RIPOR2: variants seen among roughly 807,000 people sequenced by gnomAD.
The protein encoded by RIPOR2 is RHO family interacting cell polarization regulator 2, also known as rho family-interacting cell polarization regulator 2.
RIPOR2 carries 39 observed loss-of-function variants against 114.5 expected under a neutral mutation model. That is an observed-to-expected ratio of 0.34 (90% CI 0.26 to 0.44). The LOEUF is 0.44. RIPOR2 is among the 20% of genes least tolerant of loss of function. The pLI is 1.00. For missense variants in RIPOR2, 1,007 were observed against 1,255.1 expected (o/e 0.80, Z 2.99); for synonymous variants, 445 against 484.4 (o/e 0.92, Z 1.07).
rs190131331 is a variant in RIPOR2 at position 25,039,507 on chromosome 6, A to G, written c.76+2344T>C. ...CCTGCTTAATGTTGAGCTTACATTC[A>G]ACATCTATTAATATATCATTTCATA... On this transcript the variant is annotated intron_variant, in intron 1 of 13. Coordinates refer to the RIPOR2 transcript ENST00000510784. 2.0e-4 allele frequency among the ~76,000 whole-genome samples: 30 copies of G among 152,356 alleles called. No homozygotes were observed. In the East Asian group the frequency reaches 5.4e-3, roughly 27 times the overall value.
intron 1 of RIPOR2, among the ~76,000 whole-genome samples, chr6:24,915,422 T>C (rs1251587134): frequency 6.6e-6 from 1 of 151,054 alleles, no homozygotes; most frequent in Non-Finnish European, 1.5e-5. Context: ...TGGCACGATC[T>C]CAGCTCACTG....
rs774955433 is a variant in RIPOR2 at position 25,011,668 on chromosome 6, C to T, written c.76+30183G>A. On this transcript the variant is annotated intron_variant, in intron 1 of 13. Coordinates refer to the RIPOR2 transcript ENST00000510784. Reference sequence around the variant, plus strand: ...AGGCTGGAGCATAAGTAAAAGGAAGCAAGTTCTTAACTACTAAAAATTGAC... The same window carrying T: ...AGGCTGGAGCATAAGTAAAAGGAAGTAAGTTCTTAACTACTAAAAATTGAC... Among the ~76,000 whole-genome samples the T allele has an allele frequency of 4.1e-4, 62 of 152,302 alleles. 1 individual carries two copies. The highest frequency in any genetic ancestry group is 1.7e-3 in the South Asian group (8 of 4,828).
intron 1 of RIPOR2, among the ~76,000 whole-genome samples, chr6:25,024,848 T>C (rs1174844910): frequency 6.6e-6 from 1 of 152,264 alleles, no homozygotes; most frequent in African/African-American, 2.4e-5. Flanking sequence ...TTCCTCTTTA[T>C]GCCTGTTTTA....
intron 1 of RIPOR2, among the ~76,000 whole-genome samples, chr6:24,966,620 T>G (rs1773540503): frequency 6.6e-6 from 1 of 152,166 alleles, no homozygotes; most frequent in Non-Finnish European, 1.5e-5. Context: ...CCAACAATTA[T>G]GCATGATGAA....
In RIPOR2 at chr6:24,825,420, C is replaced by A; in HGVS notation, c.2674G>T (p.Val892Phe). The part of the protein sequence containing the change: ...LSQLARQVSM[V>F]QTLQSLRDEK... Reference sequence around the variant, plus strand: ...TCTCTTAGTGATTGCAGAGTCTGAACCATGGAAACTGGAGGGTAAGAAGGA... The same window carrying A: ...TCTCTTAGTGATTGCAGAGTCTGAAACATGGAAACTGGAGGGTAAGAAGGA... The change falls in exon 19 of 22, where the codon GTT (valine) becomes TTT (phenylalanine). Residue 892 changes from valine to phenylalanine, a missense_variant. Val to Phe is a conservative substitution (Grantham distance 50). Coordinates refer to ENST00000643898, the MANE Select transcript of RIPOR2 (RefSeq NM_001286445.3). The A allele has an allele frequency of 6.4e-7, 1 of 1,551,412 alleles. No homozygotes were observed. The highest frequency in any genetic ancestry group is 8.7e-7 in the Non-Finnish European group (1 of 1,146,480).
chr6:24,847,577 G>T (rs1762438786), intron 12 of RIPOR2: 2 of 1,551,572 alleles, frequency 1.3e-6, no homozygotes, highest in South Asian at 1.2e-5. Flanking sequence ...CTCGGCCTGA[G>T]GGAGGGCAGG....
intron 20 of RIPOR2, among the ~76,000 whole-genome samples, chr6:24,812,371 A>G (rs1781231936): frequency 2.0e-5 from 1 of 49,902 alleles, no homozygotes; most frequent in African/African-American, 3.9e-5. Flanking sequence ...TTGCCATTCT[A>G]ACTGGTGTGA....
At chr6:24,965,276 T>C (rs1201077239) in intron 1 of RIPOR2, among the ~76,000 whole-genome samples, 6 of 152,112 alleles carry the variant, frequency 3.9e-5, no homozygotes, top group Admixed American at 3.9e-4. Flanking sequence ...TAGCTAGGAC[T>C]ACAGGTGCAC....
intron 12 of RIPOR2, among the ~76,000 whole-genome samples, chr6:24,843,866 G>A (rs1762000813): frequency 1.3e-5 from 2 of 151,898 alleles, no homozygotes; most frequent in African/African-American, 2.4e-5. Context: ...GGGGGAGGGG[G>A]CTTGTTTTCT....
intron 1 of RIPOR2, among the ~76,000 whole-genome samples, chr6:24,901,547 T>A (rs1319209718): frequency 6.6e-6 from 1 of 152,180 alleles, no homozygotes; most frequent in African/African-American, 2.4e-5. Flanking sequence ...TTTTTTGGAA[T>A]GTCATGGGAG....
At chr6:24,846,300 C>CTTTTTTTTTTTTTTTTTT (rs1562253042) in intron 12 of RIPOR2, among the ~76,000 whole-genome samples, 1 of 111,320 alleles carries the variant, frequency 9.0e-6, no homozygotes, top group Non-Finnish European at 1.9e-5. Flanking sequence ...TTTTCACCTG[C>CTTTTTTTTTTTTTTTTTT]CTTTTTTTTT....
chr6:24,854,276 T>C (rs537611925), intron 8 of RIPOR2, among the ~76,000 whole-genome samples: 1 of 152,318 alleles, frequency 6.6e-6, no homozygotes, highest in Admixed American at 6.5e-5. Flanking sequence ...AGAGAGACTA[T>C]CTTATTTAAT....
intron 1 of RIPOR2, among the ~76,000 whole-genome samples, chr6:24,921,231 C>T (rs191984191): frequency 6.3e-4 from 96 of 152,114 alleles, no homozygotes; most frequent in African/African-American, 2.1e-3. Flanking sequence ...GGCATGATCT[C>T]GGCTCACTGC....
chr6:24,891,236 A>T (rs1767327746), intron 1 of RIPOR2, among the ~76,000 whole-genome samples: 1 of 152,178 alleles, frequency 6.6e-6, no homozygotes, highest in South Asian at 2.1e-4. Context: ...AATTTTAGCA[A>T]ATTAAACTGC....
At chr6:24,976,333 C>G in intron 1 of RIPOR2, 1 of 906,192 alleles carries the variant, frequency 1.1e-6, no homozygotes. Context: ...TTAAAAATGA[C>G]TAAATTATTC....
upstream of RIPOR2, chr6:24,935,994 C>A (rs1051946064): frequency 2.2e-6 from 2 of 925,898 alleles, no homozygotes; most frequent in Admixed American, 4.3e-5. Context: ...CTTGGGTTGC[C>A]CAAGCCCTCT....
intron 3 of RIPOR2, among the ~76,000 whole-genome samples, chr6:24,873,274 A>G (rs1346511472): frequency 1.3e-5 from 2 of 152,232 alleles, no homozygotes; most frequent in African/African-American, 4.8e-5. Flanking sequence ...ATCTAGTCAA[A>G]TAGAACAAAT....
Position 24,883,832 on chromosome 6 carries a change from C to T in RIPOR2, c.62-8015G>A, listed in dbSNP as rs1010423215. On this transcript the variant is annotated intron_variant, in intron 1 of 21. Coordinates refer to ENST00000643898, the MANE Select transcript of RIPOR2 (RefSeq NM_001286445.3). This position sits in a 1 kb window ranked among gnomAD's most constrained non-coding sequence, Gnocchi z 4.1. ...ACTTTCTGAGTCATTTCTTCATGCC[C>T]GATTTGGGTTCTTCCTTTCTTTTTC... Among the ~76,000 whole-genome samples the T allele has an allele frequency of 6.6e-6, 1 of 152,118 alleles. No homozygotes were observed.
At chr6:24,970,619 C>T (rs1773742540) in intron 1 of RIPOR2, among the ~76,000 whole-genome samples, 1 of 152,048 alleles carries the variant, frequency 6.6e-6, no homozygotes, top group Non-Finnish European at 1.5e-5. Context: ...TCCGGGTTCA[C>T]ATGAATGACA....
Sources: gnomAD v4.1 joint callset for allele counts (sites outside exome capture counted in the v4.1 genomes callset) on GRCh38, gnomAD v4.1.1 for gene constraint, Gnocchi (gnomAD v3.1) non-coding constraint, MANE v1.5 for transcripts, NCBI Gene and HGNC (gene_info 2026-07-23, HGNC 2026-07-21) for gene names.